The following MLXIPL variants were observed in gnomAD, a reference collection of about 807,000 sequenced individuals.
The protein encoded by MLXIPL is MLX interacting protein like.
A neutral mutation model predicts 81.5 loss-of-function variants in MLXIPL; 49 were observed. The ratio of observed to expected loss-of-function variants is 0.60; its 90% CI spans 0.48 to 0.76. The LOEUF is 0.76. Ranked by LOEUF, MLXIPL falls within the 30% of genes least tolerant of loss-of-function variation. The pLI is 0.00. For synonymous variants in MLXIPL, 466 were observed against 485.5 expected, an observed-to-expected ratio of 0.96 and a Z score of 0.53; for missense variants, 1,053 against 1,167.0, an observed-to-expected ratio of 0.90 and a Z score of 1.42.
At chr7:73,622,836 A>G (rs1474639101) in intron 1 of MLXIPL, among the ~76,000 whole-genome samples, 1 of 151,948 alleles carries the variant, frequency 6.6e-6, no homozygotes, top group African/African-American at 2.4e-5. Flanking sequence ...TCAGGGTTGG[A>G]AGTGAGGCCC....
chr7:73,632,360 T>C, the MLXIPL span, among the ~76,000 whole-genome samples: 11 of 152,104 alleles, frequency 7.2e-5, 1 homozygote, highest in South Asian at 8.3e-4. Context: ...TGAAAATTCA[T>C]GGAGTTAGAT....
chr7:73,631,146 C>T, the MLXIPL span, among the ~76,000 whole-genome samples: 1 of 151,886 alleles, frequency 6.6e-6, no homozygotes, highest in African/African-American at 2.4e-5. Flanking sequence ...GTAGCTAGGA[C>T]TACAGGTGCC....
the MLXIPL span, among the ~76,000 whole-genome samples, chr7:73,639,160 C>T: frequency 0.071 from 10,826 of 151,988 alleles, 472 homozygotes; most frequent in Middle Eastern, 0.12. Context: ...TGGCTGCTTC[C>T]GGGGGAGGCT....
At chr7:73,607,150 A>G in intron 4 of MLXIPL, 132 bp from the exon 5 acceptor site, 2 of 1,339,548 alleles carry the variant, frequency 1.5e-6, no homozygotes, top group Non-Finnish European at 2.1e-6. Context: ...CCCCTAGGTA[A>G]GGAGGCCGCT....
rs562081689 is a variant in MLXIPL, at chr7:73,613,144, G to A, written c.400+2927C>T. Among the ~76,000 whole-genome samples the A allele has an allele frequency of 3.7e-4, 56 of 152,294 alleles. 1 individual carries two copies. Among genetic ancestry groups the A allele is most frequent in the African/African-American group, 1.3e-3 (52 of 41,568 alleles). ...CCCGACATTAGTGGCGTCAAGCCAA[G>A]TAAGCCCTTCTCCTCCCCACTCCCG... On this transcript the variant is annotated intron_variant, in intron 2 of 16. Coordinates refer to ENST00000313375, the MANE Select transcript of MLXIPL (RefSeq NM_032951.3).
chr7:73,646,824 G>T, the MLXIPL span, among the ~76,000 whole-genome samples: 5 of 152,120 alleles, frequency 3.3e-5, no homozygotes, highest in African/African-American at 9.7e-5. Flanking sequence ...TGTAAGATAA[G>T]TTCTTGGGCA....
At chr7:73,647,397 G>C in the MLXIPL span, among the ~76,000 whole-genome samples, 1 of 152,124 alleles carries the variant, frequency 6.6e-6, no homozygotes, top group East Asian at 1.9e-4. Context: ...AGGGAGGAAG[G>C]CCCTCCCTCC....
chr7:73,615,139 G>A (rs1213423391), intron 2 of MLXIPL, among the ~76,000 whole-genome samples: 2 of 152,134 alleles, frequency 1.3e-5, no homozygotes, highest in Non-Finnish European at 2.9e-5. Flanking sequence ...AGTTCAGAGA[G>A]GCTAGGCAAC....
chr7:73,615,912 CAAAAAAAAAA>C (rs71082239), intron 2 of MLXIPL, among the ~76,000 whole-genome samples, 149 bp downstream of exon 2: 9 of 53,234 alleles, frequency 1.7e-4, no homozygotes, highest in Admixed American at 1.1e-3. Flanking sequence ...GACTGTGTCT[CAAAAAAAAAA>C]AAAAAAAAAA....
intron 15 of MLXIPL, among the ~76,000 whole-genome samples, chr7:73,594,772 C>G (rs1455606851): frequency 5.3e-5 from 8 of 151,550 alleles, no homozygotes; most frequent in African/African-American, 1.9e-4. Flanking sequence ...TGGTCTCGAA[C>G]TCCTGACCTC....
At position 73,596,681 on chromosome 7, in the gene MLXIPL, G is replaced by A. The variant is rs1554594087; in HGVS notation, c.1780C>T (p.Leu594Phe). 6.3e-7 allele frequency: 1 copy of A among 1,588,594 alleles called. No individual in the cohort carries two copies. The highest frequency in any genetic ancestry group is 8.6e-7 in the Non-Finnish European group (1 of 1,167,482). ...GAGAGCCGCTCCGCTTTGGGGACAA[G>A]CAGGGGCCTGGAAGGGGCCAATGTG... Reference protein sequence around the residue: ...PATLAPSRPLLVPKAERLSPP... With the variant: ...PATLAPSRPLFVPKAERLSPP... Residue 594 changes from leucine to phenylalanine, a missense_variant, in exon 11 of 17, where the codon CTT (leucine) becomes TTT (phenylalanine). By Grantham distance (22) the Leu-to-Phe change is conservative (BLOSUM62 0). This residue lies in a region of MLXIPL where 823 missense variants were observed against 933.0 expected (regional missense o/e 0.88). Coordinates refer to ENST00000313375, the MANE Select transcript of MLXIPL (RefSeq NM_032951.3). The surrounding 1 kb of genome is among the most constrained non-coding windows in gnomAD (Gnocchi z 4.7).
chr7:73,639,131 T>G, the MLXIPL span, among the ~76,000 whole-genome samples: 1 of 152,094 alleles, frequency 6.6e-6, no homozygotes, highest in Non-Finnish European at 1.5e-5. Context: ...GCTCAGAAAC[T>G]TCCCCTTCTG....
intron 1 of MLXIPL, among the ~76,000 whole-genome samples, chr7:73,619,793 G>A (rs1335969388): frequency 6.6e-6 from 1 of 151,810 alleles, no homozygotes; most frequent in African/African-American, 2.4e-5. Context: ...AGCTGGGCGT[G>A]GTGGCAGGTG....
At chr7:73,599,766 G>C in intron 7 of MLXIPL, 71 bp from the exon 8 acceptor site, 154 of 1,447,200 alleles carry the variant, frequency 1.1e-4, no homozygotes, top group Non-Finnish European at 1.4e-4. Flanking sequence ...TGAGAGGAGA[G>C]TGGCCTGTCC....
At chr7:73,625,675 C>G (rs1554603659), upstream of MLXIPL, among the ~76,000 whole-genome samples, 1 of 152,102 alleles carries the variant, frequency 6.6e-6, no homozygotes, top group African/African-American at 2.4e-5. Context: ...GTGGAAGAAT[C>G]ACATGAGCCC....
intron 7 of MLXIPL, among the ~76,000 whole-genome samples, chr7:73,600,196 G>C (rs1024337885): frequency 6.6e-6 from 1 of 151,394 alleles, no homozygotes; most frequent in African/African-American, 2.4e-5. Context: ...CTGGGTCCGG[G>C]ACAAGCTTGG....
chr7:73,602,399 G>C (rs1391683185), intron 7 of MLXIPL, among the ~76,000 whole-genome samples: 1 of 151,188 alleles, frequency 6.6e-6, no homozygotes, highest in Non-Finnish European at 1.5e-5. Flanking sequence ...GGCCAGGCGC[G>C]GTGGCTCACG....
intron 9 of MLXIPL, 78 bp downstream of exon 9, chr7:73,597,104 C>A: frequency 6.7e-7 from 1 of 1,495,832 alleles, no homozygotes. Context: ...CCTTCATCTT[C>A]TGCTCCCAAA....
At chr7:73,624,591 A>G (rs1047010180), upstream of MLXIPL, 51 of 1,401,012 alleles carry the variant, frequency 3.6e-5, no homozygotes, top group South Asian at 1.7e-4. Context: ...CCCCCACACC[A>G]TAGGCCGATC....
Sources: gnomAD v4.1 joint callset for allele counts (sites outside exome capture counted in the v4.1 genomes callset) on GRCh38, gnomAD v4.1.1 for gene constraint, gnomAD v4.1.1 regional missense constraint, Gnocchi (gnomAD v3.1) non-coding constraint, MANE v1.5 for transcripts, NCBI Gene and HGNC (gene_info 2026-07-23, HGNC 2026-07-21) for gene names.